The following DLG2 variants were observed in gnomAD, a reference collection of about 807,000 sequenced individuals.
DLG2 encodes the protein disks large homolog 2.
DLG2 carries 45 observed loss-of-function variants against 132.5 expected under a neutral mutation model. That is an observed-to-expected ratio of 0.34 (90% CI 0.27 to 0.44). The LOEUF (loss-of-function observed/expected upper bound fraction) is 0.44. Ranked by LOEUF, DLG2 falls within the 20% of genes least tolerant of loss-of-function variation. The probability of loss-of-function intolerance (pLI) is 1.00; values close to 1 mark genes in which losing one functional copy is unlikely to be tolerated. For synonymous variants in DLG2, 424 were observed against 419.6 expected (o/e 1.01, Z -0.13); for missense variants, 1,045 against 1,196.9 (o/e 0.87, Z 1.87).
At position 83,787,340 on chromosome 11, in the gene DLG2, T is replaced by TTTTG. The variant is rs66699053; in HGVS notation, c.1723-549_1723-548insCAAA. Among the ~76,000 whole-genome samples, 454 of 102,636 alleles carry TTTTG rather than the reference T, an allele frequency of 4.4e-3. 112 individuals carry two copies. The highest frequency in any genetic ancestry group is 7.6e-3 in the South Asian group (20 of 2,618). 67.3% of individuals were successfully genotyped at this position (102,636 alleles called of 152,430 possible). On this transcript the variant is annotated intron_variant, in intron 17 of 27. Coordinates refer to ENST00000376104, the MANE Select transcript of DLG2 (RefSeq NM_001142699.3). Reference sequence around the variant, plus strand: ...TTTTTTTTGTTTTTTTTTTTTTTTTTAGACAGAGTCTCGCTCTTTCGCCCA... The same window carrying TTTTG: ...TTTTTTTTGTTTTTTTTTTTTTTTTTTTTGAGACAGAGTCTCGCTCTTTCGCCCA...
intron 3 of DLG2, chr11:85,286,251 G>T (rs554131049): frequency 7.1e-6 from 2 of 283,686 alleles, no homozygotes; most frequent in South Asian, 3.0e-5. Flanking sequence ...ACAATTAAGT[G>T]AATGGATGGT....
At chr11:84,653,411 C>T (rs917181051) in intron 6 of DLG2, among the ~76,000 whole-genome samples, 1 of 152,166 alleles carries the variant, frequency 6.6e-6, no homozygotes, top group African/African-American at 2.4e-5. Flanking sequence ...CTGCAATCAA[C>T]AGAGCAAGAC....
At chr11:85,255,460 T>C (rs578128476) in intron 4 of DLG2, among the ~76,000 whole-genome samples, 1 of 152,324 alleles carries the variant, frequency 6.6e-6, no homozygotes, top group South Asian at 2.1e-4. Context: ...AACATCTAAA[T>C]TAATTTCACC....
intron 18 of DLG2, among the ~76,000 whole-genome samples, chr11:83,756,885 A>G (rs889763885): frequency 2.0e-5 from 3 of 152,216 alleles, no homozygotes; most frequent in Admixed American, 6.5e-5. Context: ...TTTGTTCAGC[A>G]AATATTTATT....
At chr11:84,538,411 T>C (rs2099360585) in intron 6 of DLG2, among the ~76,000 whole-genome samples, 1 of 152,200 alleles carries the variant, frequency 6.6e-6, no homozygotes, top group South Asian at 2.1e-4. Context: ...TACCCTTAGG[T>C]GATTGAAGCC....
At chr11:84,309,308 C>A (rs1599604032) in intron 7 of DLG2, among the ~76,000 whole-genome samples, 2 of 152,272 alleles carry the variant, frequency 1.3e-5, no homozygotes, top group South Asian at 4.1e-4. Flanking sequence ...GTTTATGTAA[C>A]TTTTTGTATA....
intron 7 of DLG2, among the ~76,000 whole-genome samples, chr11:84,467,577 G>A (rs1245704468): frequency 6.6e-6 from 1 of 151,248 alleles, no homozygotes; most frequent in African/African-American, 2.4e-5. Context: ...AGTGGCATAG[G>A]AGAAAGTTGG....
chr11:84,279,725 AC>A (rs2097832044), intron 7 of DLG2, among the ~76,000 whole-genome samples: 1 of 152,090 alleles, frequency 6.6e-6, no homozygotes, highest in Admixed American at 6.5e-5. Context: ...ACCAAACACC[AC>A]ATGTTCTCAC....
At chr11:84,243,810 G>T (rs2097266474) in intron 8 of DLG2, among the ~76,000 whole-genome samples, 1 of 152,206 alleles carries the variant, frequency 6.6e-6, no homozygotes, top group South Asian at 2.1e-4. Flanking sequence ...TTCAGTCAGA[G>T]AAATGTTTTA....
rs71036459 is a variant in DLG2 at position 85,150,699 on chromosome 11, AGTGTGTGTGTGT to A, written c.282+3845_282+3856del. 5.1e-3 allele frequency among the ~76,000 whole-genome samples: 645 copies of A among 127,342 alleles called. 6 individuals carry two copies. Among genetic ancestry groups the A allele is most frequent in the South Asian group, 0.021 (72 of 3,476 alleles). 83.5% of individuals were successfully genotyped at this position (127,342 alleles called of 152,430 possible). ...TTTCCTTTTGTTCCTAAGGCTACAT[AGTGTGTGTGTGT>A]GTGTGTGTGTGTGTGTGTGTGTGTG... On this transcript the variant is annotated intron_variant, in intron 5 of 27. Coordinates refer to ENST00000376104, the MANE Select transcript of DLG2 (RefSeq NM_001142699.3).
At chr11:84,554,115 C>T (rs1303010833) in intron 6 of DLG2, among the ~76,000 whole-genome samples, 1 of 152,182 alleles carries the variant, frequency 6.6e-6, no homozygotes, top group African/African-American at 2.4e-5. Flanking sequence ...GGCATATCTT[C>T]GTCCATTCAG....
intron 6 of DLG2, among the ~76,000 whole-genome samples, chr11:84,902,987 C>A (rs1410560172): frequency 6.6e-6 from 1 of 152,078 alleles, no homozygotes; most frequent in South Asian, 2.1e-4. Flanking sequence ...ATAGGTCAAG[C>A]CTTTACCTTT....
chr11:85,079,734 A>C (rs2067001413), intron 6 of DLG2, among the ~76,000 whole-genome samples: 1 of 152,052 alleles, frequency 6.6e-6, no homozygotes, highest in African/African-American at 2.4e-5. Flanking sequence ...TCAAACCTTA[A>C]GATAGAAAAG....
chr11:84,125,115 G>A (rs894163325), intron 9 of DLG2, among the ~76,000 whole-genome samples: 2 of 152,040 alleles, frequency 1.3e-5, no homozygotes, highest in Admixed American at 1.3e-4. Flanking sequence ...CTCCCAAAGT[G>A]CTGGGATTAC....
rs76325408 is a variant in DLG2, at chr11:84,939,966, G to A, written c.357+171695C>T. Reference sequence around the variant, plus strand: ...ATCAGTGTGTTTGCTGGGTCATATAGTAGTTCTGTTTTTAGCTTTCTGAGG... The same window carrying A: ...ATCAGTGTGTTTGCTGGGTCATATAATAGTTCTGTTTTTAGCTTTCTGAGG... On this transcript the variant is annotated intron_variant, in intron 6 of 27. Transcript: ENST00000376104. Among the ~76,000 whole-genome samples the A allele has an allele frequency of 2.6e-5, 4 of 152,256 alleles. No individual in the cohort carries two copies. In the East Asian group the frequency reaches 5.8e-4, roughly 22 times the overall value.
intron 7 of DLG2, among the ~76,000 whole-genome samples, chr11:84,418,432 C>T (rs557849431): frequency 4.7e-4 from 72 of 152,158 alleles, no homozygotes; most frequent in Middle Eastern, 3.4e-3. Flanking sequence ...CGTCCTTATA[C>T]CAAAACCATG....
At chr11:85,169,377 T>C (rs1360364559) in intron 4 of DLG2, among the ~76,000 whole-genome samples, 1 of 152,106 alleles carries the variant, frequency 6.6e-6, no homozygotes, top group African/African-American at 2.4e-5. Context: ...TAAAATAAAC[T>C]GATAACATGA....
chr11:84,538,314 T>C (rs1473665863), intron 6 of DLG2, among the ~76,000 whole-genome samples: 1 of 152,250 alleles, frequency 6.6e-6, no homozygotes, highest in Admixed American at 6.5e-5. Flanking sequence ...AAGTGGATTG[T>C]AGCAGATGCT....
At chr11:83,553,731 T>G (rs1201635032) in intron 19 of DLG2, among the ~76,000 whole-genome samples, 3 of 152,062 alleles carry the variant, frequency 2.0e-5, no homozygotes, top group Non-Finnish European at 4.4e-5. Flanking sequence ...TCTATTTAAC[T>G]GAATAAAATG....
Sources: allele counts gnomAD v4.1 joint callset (sites outside exome capture counted in the v4.1 genomes callset), GRCh38; gene constraint gnomAD v4.1.1; transcripts MANE v1.5; gene names NCBI Gene and HGNC (gene_info 2026-07-23, HGNC 2026-07-21).